ABCB1: variants seen among roughly 807,000 people sequenced by gnomAD.
The protein encoded by ABCB1 is ATP-dependent translocase ABCB1.
Under a neutral mutation model 142.0 loss-of-function variants are expected in ABCB1, and 69 were observed. The observed-to-expected ratio is 0.49, with a 90% CI of 0.40 to 0.59. ABCB1 has a LOEUF of 0.59. Among genes scored for constraint, ABCB1 ranks in the 20% least tolerant of loss-of-function variants. ABCB1 has a pLI of 0.00. For missense variants in ABCB1, 1,326 were observed against 1,554.7 expected (o/e 0.85, Z 2.47); for synonymous variants, 532 against 539.2 (o/e 0.99, Z 0.18).
chr7:87,624,941 C>A (rs1156482336), intron 1 of ABCB1, among the ~76,000 whole-genome samples: 1 of 152,148 alleles, frequency 6.6e-6, no homozygotes, highest in Non-Finnish European at 1.5e-5. Flanking sequence ...TCAACTAAAT[C>A]CTTCTAAGAG....
chr7:87,547,977 A>C (rs1816860523), intron 14 of ABCB1, among the ~76,000 whole-genome samples: 1 of 150,970 alleles, frequency 6.6e-6, no homozygotes, highest in African/African-American at 2.4e-5. Flanking sequence ...ATGATGGCAC[A>C]ACTGCACTTC....
chr7:87,698,505 A>AAAAATATATT (rs1828711493), intron 1 of ABCB1, among the ~76,000 whole-genome samples: 3 of 152,192 alleles, frequency 2.0e-5, no homozygotes, highest in Non-Finnish European at 2.9e-5. Flanking sequence ...AAAATATTTG[A>AAAAATATATT]TGTTTGTAAT....
At chr7:87,657,608 G>A (rs1459308764) in intron 1 of ABCB1, among the ~76,000 whole-genome samples, 2 of 152,172 alleles carry the variant, frequency 1.3e-5, no homozygotes, top group African/African-American at 2.4e-5. Flanking sequence ...CAATGTTGAC[G>A]GAACACCACA....
At chr7:87,509,620 G>A (rs1187696727) in intron 25 of ABCB1, 139 bp from the exon 26 acceptor site, 7 of 901,256 alleles carry the variant, frequency 7.8e-6, no homozygotes, top group South Asian at 2.8e-5. Flanking sequence ...AATTTGGATA[G>A]TGAAGGTTAA....
chr7:87,689,157 TATTG>T, intron 1 of ABCB1, among the ~76,000 whole-genome samples: 1 of 152,102 alleles, frequency 6.6e-6, no homozygotes, highest in East Asian at 1.9e-4. Context: ...TAAATTCTAT[TATTG>T]ATAAAATTAT....
rs2235052 is a variant in ABCB1, at chr7:87,504,160, TGTAA to T, written c.*79_*82del. ...TTAAACAGATACCTCTTCATAATTCTGTAAGTGTTTGCTTTTAACTTTGAATAAA... is the reference window on the plus strand; with the variant it reads ...TTAAACAGATACCTCTTCATAATTCTGTGTTTGCTTTTAACTTTGAATAAA... On this transcript the variant is annotated 3_prime_UTR_variant, in exon 28 of 28. Transcript: ENST00000622132. The T allele has an allele frequency of 4.6e-3, 7,085 of 1,548,766 alleles. 250 individuals carry two copies. The African/African-American group carries it at 0.082, about 18-fold the overall frequency.
At chr7:87,689,822 C>T (rs1050589835) in intron 1 of ABCB1, among the ~76,000 whole-genome samples, 1 of 152,000 alleles carries the variant, frequency 6.6e-6, no homozygotes, top group African/African-American at 2.4e-5. Flanking sequence ...CTTTGCTAGA[C>T]GTCTAATGAT....
At chr7:87,574,397 C>T (rs1818189292) in intron 4 of ABCB1, among the ~76,000 whole-genome samples, 1 of 152,078 alleles carries the variant, frequency 6.6e-6, no homozygotes, top group Non-Finnish European at 1.5e-5. Flanking sequence ...TGGGTTTTTG[C>T]CACATTTACT....
chr7:87,667,989 G>T (rs1209851705), intron 1 of ABCB1, among the ~76,000 whole-genome samples: 1 of 152,008 alleles, frequency 6.6e-6, no homozygotes, highest in Non-Finnish European at 1.5e-5. Context: ...TTAAGATGAT[G>T]TTGGCCTTAG....
intron 1 of ABCB1, among the ~76,000 whole-genome samples, chr7:87,691,111 T>C (rs1827977384): frequency 6.6e-6 from 1 of 152,086 alleles, no homozygotes. Context: ...GAAGAATAAA[T>C]ATCATATTCA....
rs12670317 is a variant in ABCB1, at chr7:87,696,809, T to G, written c.-331+16352A>C. Among the ~76,000 whole-genome samples the G allele has an allele frequency of 7.8e-3, 1,185 of 152,292 alleles. 11 individuals are homozygous for G. Among genetic ancestry groups the G allele is most frequent in the East Asian group, 0.049 (255 of 5,184 alleles). ...ATATGCCGTCCTGTCAATTGCTTAG[T>G]TTCTCAGTTTGTAATCTGGGAAATC... is the stretch of plus-strand genomic sequence containing the variant. On this transcript the variant is annotated intron_variant, in intron 1 of 28. Coordinates refer to the ABCB1 transcript ENST00000265724.
intron 4 of ABCB1, among the ~76,000 whole-genome samples, chr7:87,573,462 T>G (rs767480299): frequency 6.6e-5 from 10 of 152,168 alleles, no homozygotes; most frequent in Non-Finnish European, 1.0e-4. Flanking sequence ...ATTCAAATCC[T>G]CTCCCTCTTC....
Position 87,525,162 on chromosome 7 carries a change from A to G in ABCB1, c.2686-4286T>C, listed in dbSNP as rs541656660. On this transcript the variant is annotated intron_variant, in intron 21 of 27. Coordinates refer to ENST00000622132, the MANE Select transcript of ABCB1 (RefSeq NM_001348946.2). ...GCTTTGTTTATTCCAAGAGTTTTAA[A>G]TGGAGACTCAGTAATCACCATCAGG... Among the ~76,000 whole-genome samples, 4 of 152,294 alleles carry G rather than the reference A, an allele frequency of 2.6e-5. No individual in the cohort carries two copies. In the South Asian group the frequency reaches 8.3e-4, roughly 32 times the overall value.
intron 7 of ABCB1, 68 bp downstream of exon 7, chr7:87,566,002 T>C (rs1310190648): frequency 2.6e-6 from 4 of 1,560,852 alleles, no homozygotes; most frequent in Non-Finnish European, 3.5e-6. Flanking sequence ...TAAAAAGACC[T>C]TTCCGTAGGG....
chr7:87,545,955 C>A lies in ABCB1; in HGVS notation c.1795G>T (p.Ala599Ser), dbSNP rs2235036. Reference sequence around the variant, plus strand: ...ACAATGACTCCATCATCGAAACCAGCGATGACGTCAGCATTACGAACTGTA... The same window carrying A: ...ACAATGACTCCATCATCGAAACCAGAGATGACGTCAGCATTACGAACTGTA... ...LSTVRNADVI[A>S]GFDDGVIVEK... Residue 599 changes from alanine (A) to serine (S), a missense_variant, in exon 15 of 28, where the codon GCT (alanine) becomes TCT (serine). Transcript: ENST00000622132. 6.2e-7 allele frequency: 1 copy of A among 1,613,956 alleles called. No individual in the cohort carries two copies. The highest frequency in any genetic ancestry group is 1.3e-5 in the African/African-American group (1 of 74,878).
intron 1 of ABCB1, among the ~76,000 whole-genome samples, chr7:87,626,030 A>G (rs1820427484): frequency 7.1e-6 from 1 of 140,636 alleles, no homozygotes; most frequent in Admixed American, 7.4e-5. Flanking sequence ...ATATAGAGAG[A>G]GAGAGAGAGA....
At chr7:87,565,733 T>C (rs369777215) in intron 7 of ABCB1, among the ~76,000 whole-genome samples, 1 of 152,212 alleles carries the variant, frequency 6.6e-6, no homozygotes, top group East Asian at 1.9e-4. Flanking sequence ...CTAGAGAGCA[T>C]GGTTCTTTGG....
At chr7:87,546,321 G>A (rs1437190587) in intron 14 of ABCB1, among the ~76,000 whole-genome samples, 1 of 152,110 alleles carries the variant, frequency 6.6e-6, no homozygotes, top group East Asian at 1.9e-4. Flanking sequence ...GGGCGTGGTG[G>A]CTCACGCCTG....
At position 87,663,667 on chromosome 7, in the gene ABCB1, A is replaced by G. The variant is rs185467772; in HGVS notation, c.-331+49494T>C. Among the ~76,000 whole-genome samples, 10 of 152,310 alleles carry G rather than the reference A, an allele frequency of 6.6e-5. No individual in the cohort carries two copies. The East Asian group carries it at 1.4e-3, about 21-fold the overall frequency. ...GAACTTAGGATGTTAGACAAGGTAG[A>G]GTAAGTCCAATAATAACCTAATTCT... On this transcript the variant is annotated intron_variant, in intron 1 of 28. Transcript: ENST00000265724.
Sources: gnomAD v4.1 joint callset for allele counts (sites outside exome capture counted in the v4.1 genomes callset) on GRCh38, gnomAD v4.1.1 for gene constraint, MANE v1.5 for transcripts, NCBI Gene and HGNC (gene_info 2026-07-23, HGNC 2026-07-21) for gene names.